The following BEST3 variants were observed in gnomAD, a reference collection of about 807,000 sequenced individuals.
BEST3 encodes bestrophin-3.
In BEST3, 50 loss-of-function variants were observed where a neutral mutation model predicts 47.1. That is an observed-to-expected ratio of 1.06 (90% CI 0.85 to 1.34). The LOEUF (loss-of-function observed/expected upper bound fraction) is 1.34. Among genes scored for constraint, BEST3 ranks in the 40% most tolerant of loss-of-function variants. BEST3 has a pLI of 0.00. For missense variants in BEST3, 765 were observed against 817.0 expected (o/e 0.94, Z 0.78); for synonymous variants, 282 against 298.8 (o/e 0.94, Z 0.58).
intron 2 of BEST3, 126 bp from the exon 3 acceptor site, chr12:69,694,590 T>G (rs1422318778): frequency 8.6e-6 from 4 of 464,770 alleles, no homozygotes; most frequent in Non-Finnish European, 1.4e-5. Context: ...AATAATTTTT[T>G]CCTTTTTTCT....
chr12:69,689,079 C>G, intron 4 of BEST3: 2 of 985,502 alleles, frequency 2.0e-6, no homozygotes, highest in Non-Finnish European at 2.4e-6. Context: ...CCAGTCCTCT[C>G]TGCCCTCAGG....
chr12:69,643,807 G>T (rs1882949419), intron 9 of BEST3: 3 of 707,052 alleles, frequency 4.2e-6, no homozygotes, highest in Non-Finnish European at 5.3e-6. Context: ...AGGGGAGAAG[G>T]GAGAATGGTC....
chr12:69,667,122 C>T (rs1884271499), intron 9 of BEST3, among the ~76,000 whole-genome samples: 3 of 152,172 alleles, frequency 2.0e-5, no homozygotes, highest in African/African-American at 7.2e-5. Context: ...CCATCTTCTC[C>T]CTTGCCTCCT....
intron 4 of BEST3, chr12:69,684,334 T>C (rs945531952): frequency 2.4e-6 from 1 of 415,422 alleles, no homozygotes; most frequent in East Asian, 3.4e-5. Context: ...TTACTCCCAA[T>C]TGAGTTGTGG....
intron 9 of BEST3, 62 bp downstream of exon 9, chr12:69,671,366 A>T: frequency 7.0e-7 from 1 of 1,423,730 alleles, no homozygotes; most frequent in Non-Finnish European, 9.5e-7. Context: ...TTTTATAGAG[A>T]CAAGGTCTCA....
intron 1 of BEST3, among the ~76,000 whole-genome samples, chr12:69,698,977 A>G (rs1886227493): frequency 1.3e-5 from 2 of 152,196 alleles, no homozygotes. Flanking sequence ...TACCTTGTCT[A>G]TTTGCCTAGT....
At chr12:69,686,779 C>CAAAAAAAAAAAAAAAAAAAAAAAAAAA (rs71094728) in intron 4 of BEST3, among the ~76,000 whole-genome samples, 1 of 99,380 alleles carries the variant, frequency 1.0e-5, no homozygotes, top group Non-Finnish European at 2.0e-5. Context: ...CTCAAAAAAA[C>CAAAAAAAAAAAAAAAAAAAAAAAAAAA]AAAAAAAAAA....
chr12:69,664,675 CAT>C (rs1438568146), intron 9 of BEST3, among the ~76,000 whole-genome samples: 4 of 147,458 alleles, frequency 2.7e-5, no homozygotes, highest in Admixed American at 6.8e-5. Flanking sequence ...CTATATCTAA[CAT>C]ATAAAATATT....
chr12:69,681,242 A>G (rs17106957), intron 4 of BEST3, among the ~76,000 whole-genome samples: 12,151 of 152,254 alleles, frequency 0.08, 718 homozygotes, highest in East Asian at 0.24. Flanking sequence ...TTCAGACGAA[A>G]ATCAACTTTT....
At chr12:69,643,847 T>C in intron 9 of BEST3, 1 of 630,974 alleles carries the variant, frequency 1.6e-6, no homozygotes, top group Non-Finnish European at 2.9e-6. Context: ...CAGGTGCTTC[T>C]CTTTTCTTCG....
chr12:69,684,936 T>C (rs1885476211), intron 4 of BEST3, among the ~76,000 whole-genome samples: 1 of 152,186 alleles, frequency 6.6e-6, no homozygotes, highest in African/African-American at 2.4e-5. Flanking sequence ...ATATATGTTG[T>C]TCACAAAACA....
chr12:69,663,830 CA>C (rs1304567704), intron 9 of BEST3, among the ~76,000 whole-genome samples: 1 of 152,010 alleles, frequency 6.6e-6, no homozygotes, highest in Admixed American at 6.6e-5. Context: ...CTCAAAAATA[CA>C]AAAGGCAAAA....
At chr12:69,649,954 A>G (rs553523020), downstream of BEST3, among the ~76,000 whole-genome samples, 2 of 152,356 alleles carry the variant, frequency 1.3e-5, no homozygotes, top group South Asian at 2.1e-4. Flanking sequence ...AGAAGATCAG[A>G]GATGATTCTA....
At position 69,694,430 on chromosome 12, in the gene BEST3, C is replaced by A; in HGVS notation, c.187G>T (p.Glu63Ter). The part of the protein sequence containing the change: ...LLTGVQKRYF[E>*]KLSIYCDRYA... ...CTGTCACAGTAAATTGATAATTTTT[C>A]AAAGTAACGTTTTTGGACTCCTGTA... Residue 63 changes from glutamate (E) to a stop codon, truncating the protein, a stop_gained, in exon 3 of 10, where the codon GAA becomes TAA. Coordinates refer to ENST00000330891, the MANE Select transcript of BEST3 (RefSeq NM_032735.3). LOFTEE classifies it high-confidence loss of function. 1 of 1,608,542 alleles carries A rather than the reference C, an allele frequency of 6.2e-7. No individual in the cohort carries two copies. The highest frequency in any genetic ancestry group is 1.1e-5 in the South Asian group (1 of 90,296).
chr12:69,678,149 T>C lies in BEST3; in HGVS notation c.636+590A>G, dbSNP rs138656523. Among the ~76,000 whole-genome samples, 419 of 152,296 alleles carry C rather than the reference T, an allele frequency of 2.8e-3. 1 individual carries two copies. The highest frequency in any genetic ancestry group is 0.01 in the Middle Eastern group (3 of 294). On this transcript the variant is annotated intron_variant, in intron 5 of 9. Transcript: ENST00000330891. Reference sequence around the variant, plus strand: ...CTAGGGAAAAGAGTTCACATCAATTTGGGCGCTATTTTTAAACAATTCACT... The same window carrying C: ...CTAGGGAAAAGAGTTCACATCAATTCGGGCGCTATTTTTAAACAATTCACT...
chr12:69,699,291 C>T lies in BEST3; in HGVS notation c.-102G>A. 1.0e-6 allele frequency: 1 copy of T among 985,414 alleles called. No individual in the cohort carries two copies. The highest frequency in any genetic ancestry group is 1.1e-4 in the East Asian group (1 of 8,806). 61.0% of individuals were successfully genotyped at this position (985,414 alleles called of 1,614,324 possible). ...AAGAGGTGCCTTCAGGTCGGTGCTG[C>T]ACGCCCGGTGTCACCCTTCGCTCGT... On this transcript the variant is annotated 5_prime_UTR_variant, in exon 1 of 10. Coordinates refer to ENST00000330891, the MANE Select transcript of BEST3 (RefSeq NM_032735.3).
chr12:69,670,225 T>TTAA (rs1884472962), intron 9 of BEST3: 3 of 502,046 alleles, frequency 6.0e-6, no homozygotes, highest in African/African-American at 1.9e-5. Flanking sequence ...AAGAGATTCC[T>TTAA]ATCCATGGAA....
intron 4 of BEST3, 26 bp from the exon 5 acceptor site, chr12:69,678,919 G>A (rs1490796091): frequency 6.3e-7 from 1 of 1,589,878 alleles, no homozygotes; most frequent in African/African-American, 1.3e-5. Context: ...AAAATCGGTA[G>A]GTATACAGAC....
At chr12:69,684,535 G>A in intron 4 of BEST3, 1 of 654,334 alleles carries the variant, frequency 1.5e-6, no homozygotes. Context: ...TTCAAACGAG[G>A]CTCTATTAGC....
Sources: allele counts gnomAD v4.1 joint callset (sites outside exome capture counted in the v4.1 genomes callset), GRCh38; gene constraint gnomAD v4.1.1; transcripts MANE v1.5; gene names NCBI Gene and HGNC (gene_info 2026-07-23, HGNC 2026-07-21).